STK32A: variants seen among roughly 807,000 people sequenced by gnomAD.
The protein encoded by STK32A is serine/threonine kinase 32A.
A neutral mutation model predicts 53.2 loss-of-function variants in STK32A; 41 were observed. The observed-to-expected ratio is 0.77, with a 90% CI of 0.60 to 1.00. STK32A has a LOEUF of 1.00. Among genes scored for constraint, STK32A ranks in the 50% least tolerant of loss-of-function variants. The pLI is 0.00. For missense variants in STK32A, 458 were observed against 485.8 expected, an observed-to-expected ratio of 0.94 and a Z score of 0.54; for synonymous variants, 166 against 162.8, an observed-to-expected ratio of 1.02 and a Z score of -0.15.
chr5:147,358,071 A>G (rs1452307519), intron 7 of STK32A, among the ~76,000 whole-genome samples: 2 of 152,070 alleles, frequency 1.3e-5, no homozygotes, highest in African/African-American at 2.4e-5. Context: ...CATTAAATGT[A>G]TAGATTAGTG....
At chr5:147,383,415 A>T in intron 11 of STK32A, 26 bp from the exon 12 acceptor site, 5 of 1,567,298 alleles carry the variant, frequency 3.2e-6, no homozygotes, top group Non-Finnish European at 4.3e-6. Flanking sequence ...CTATACCTCT[A>T]TTTTTTTTCT....
chr5:147,327,630 G>A (rs1445794889), intron 5 of STK32A, among the ~76,000 whole-genome samples: 1 of 152,234 alleles, frequency 6.6e-6, no homozygotes, highest in Non-Finnish European at 1.5e-5. Flanking sequence ...GTACCAGGCT[G>A]CCTGCTAAGC....
chr5:147,241,103 T>C (rs1753551746), intron 2 of STK32A, among the ~76,000 whole-genome samples: 3 of 152,216 alleles, frequency 2.0e-5, no homozygotes, highest in Admixed American at 2.0e-4. Context: ...ATTAGGAGTT[T>C]GTCATGATTG....
chr5:147,335,202 A>G (rs1429659237), intron 5 of STK32A, among the ~76,000 whole-genome samples: 1 of 152,198 alleles, frequency 6.6e-6, no homozygotes, highest in African/African-American at 2.4e-5. Flanking sequence ...ATTTAACTAA[A>G]TCATTACGAC....
intron 2 of STK32A, among the ~76,000 whole-genome samples, chr5:147,250,024 A>C (rs964633968): frequency 3.3e-5 from 5 of 151,160 alleles, no homozygotes; most frequent in Non-Finnish European, 5.9e-5. Context: ...TTCAACATTT[A>C]TTTTCAATAT....
chr5:147,372,692 C>T (rs988869781), intron 9 of STK32A, among the ~76,000 whole-genome samples: 5 of 152,032 alleles, frequency 3.3e-5, no homozygotes, highest in Admixed American at 6.6e-5. Context: ...TTATCTATGC[C>T]GCCCCCAATG....
At chr5:147,298,105 G>A (rs1490846865) in intron 4 of STK32A, among the ~76,000 whole-genome samples, 2 of 152,020 alleles carry the variant, frequency 1.3e-5, no homozygotes, top group African/African-American at 2.4e-5. Flanking sequence ...TTCTTGTTCT[G>A]TAGTTGTTTC....
At chr5:147,375,352 C>T (rs190352175) in intron 11 of STK32A, 134 bp downstream of exon 11, 20 of 1,212,112 alleles carry the variant, frequency 1.7e-5, no homozygotes, top group East Asian at 2.7e-5. Context: ...GTAGATCAGC[C>T]GGGTTTCTAA....
At chr5:147,345,549 G>C (rs1283685672) in intron 6 of STK32A, among the ~76,000 whole-genome samples, 4 of 152,168 alleles carry the variant, frequency 2.6e-5, no homozygotes, top group Non-Finnish European at 4.4e-5. Flanking sequence ...GATTTAAGAA[G>C]TGATATACCA....
chr5:147,259,683 TTCTA>T (rs1306105771), intron 2 of STK32A, among the ~76,000 whole-genome samples: 1 of 152,142 alleles, frequency 6.6e-6, no homozygotes, highest in Non-Finnish European at 1.5e-5. Flanking sequence ...TCTTTACTAC[TTCTA>T]TCTCTTTCTT....
Position 147,384,150 on chromosome 5 carries a change from G to C in STK32A, c.*167G>C, listed in dbSNP as rs1256849973. The C allele has an allele frequency of 6.9e-7, 1 of 1,453,656 alleles. No individual in the cohort carries two copies. The highest frequency in any genetic ancestry group is 1.5e-5 in the African/African-American group (1 of 68,356). 90.0% of individuals were successfully genotyped at this position (1,453,656 alleles called of 1,614,324 possible). On this transcript the variant is annotated 3_prime_UTR_variant, in exon 13 of 13. Coordinates refer to ENST00000397936, the MANE Select transcript of STK32A (RefSeq NM_001112724.2). ...CAACACAGTGAAGGGTCCTGGGCCT[G>C]AGCTCCTGGGATGTCATTTCACATC...
chr5:147,337,675 T>G (rs1561730347), intron 5 of STK32A, among the ~76,000 whole-genome samples: 1 of 151,680 alleles, frequency 6.6e-6, no homozygotes, highest in Non-Finnish European at 1.5e-5. Flanking sequence ...AGAAAAGAAG[T>G]CCTTTCACTT....
chr5:147,298,398 T>C (rs952683121), intron 4 of STK32A, among the ~76,000 whole-genome samples: 1 of 152,256 alleles, frequency 6.6e-6, no homozygotes, highest in African/African-American at 2.4e-5. Context: ...ACTAGCTTTT[T>C]CTAATTGTGT....
intron 10 of STK32A, among the ~76,000 whole-genome samples, chr5:147,373,602 G>T (rs1757101673): frequency 6.7e-6 from 1 of 149,708 alleles, no homozygotes; most frequent in African/African-American, 2.4e-5. Context: ...TCATTCTCAT[G>T]AATCTGCTGG....
chr5:147,235,727 C>A (rs1438117009), intron 1 of STK32A, among the ~76,000 whole-genome samples: 5 of 152,162 alleles, frequency 3.3e-5, no homozygotes, highest in Non-Finnish European at 5.9e-5. Context: ...TATTTTAAGA[C>A]ACTTGTCATG....
chr5:147,366,449 C>G (rs1302875847), intron 8 of STK32A, among the ~76,000 whole-genome samples: 1 of 152,164 alleles, frequency 6.6e-6, no homozygotes, highest in Non-Finnish European at 1.5e-5. Context: ...TTAAACTATT[C>G]CAGTTCGTGT....
At chr5:147,284,210 A>G (rs1322212758) in intron 4 of STK32A, among the ~76,000 whole-genome samples, 3 of 152,328 alleles carry the variant, frequency 2.0e-5, no homozygotes, top group East Asian at 3.9e-4. Flanking sequence ...AGCATTCAAC[A>G]AAATCCAGCA....
intron 7 of STK32A, among the ~76,000 whole-genome samples, chr5:147,354,584 A>G (rs1477457524): frequency 6.6e-6 from 1 of 152,182 alleles, no homozygotes; most frequent in East Asian, 1.9e-4. Context: ...CTTTCCCTGG[A>G]CCAGACAAGG....
intron 5 of STK32A, among the ~76,000 whole-genome samples, chr5:147,331,494 A>G (rs1025013513): frequency 6.6e-6 from 1 of 152,212 alleles, no homozygotes; most frequent in African/African-American, 2.4e-5. Flanking sequence ...AGGTCAGATG[A>G]GCTGTTCAGT....
Sources: gnomAD v4.1 joint callset for allele counts (sites outside exome capture counted in the v4.1 genomes callset) on GRCh38, gnomAD v4.1.1 for gene constraint, MANE v1.5 for transcripts, NCBI Gene and HGNC (gene_info 2026-07-23, HGNC 2026-07-21) for gene names.